NLGN4X: variants seen among roughly 807,000 people sequenced by gnomAD.
NLGN4X encodes neuroligin-4, X-linked.
A neutral mutation model predicts 40.3 loss-of-function variants in NLGN4X; 3 were observed. The ratio of observed to expected loss-of-function variants is 0.07; its 90% CI spans 0.03 to 0.19. The LOEUF (loss-of-function observed/expected upper bound fraction) is 0.19, where lower values mean the gene tolerates loss of function less well. Ranked by LOEUF, NLGN4X falls within the 10% of genes least tolerant of loss-of-function variation. NLGN4X has a pLI of 1.00. For synonymous variants in NLGN4X, 270 were observed against 306.8 expected, an observed-to-expected ratio of 0.88 and a Z score of 1.25; for missense variants, 382 against 708.3, an observed-to-expected ratio of 0.54 and a Z score of 5.23.
At chrX:6,035,564 T>A (rs373515800) in intron 2 of NLGN4X, among the ~76,000 whole-genome samples, 1 of 112,108 alleles carries the variant, frequency 8.9e-6, no homozygotes. Context: ...GAAAAGACTA[T>A]CCTTGCCTCC....
At chrX:5,929,229 G>A (rs935890113) in intron 3 of NLGN4X, among the ~76,000 whole-genome samples, 5 of 111,514 alleles carry the variant, frequency 4.5e-5, no homozygotes, top group Non-Finnish European at 7.5e-5. Flanking sequence ...TTGGGAGGCC[G>A]AGGTGGGAAG....
At chrX:6,176,403 C>T (rs887148811) in intron 1 of NLGN4X, among the ~76,000 whole-genome samples, 4 of 112,086 alleles carry the variant, frequency 3.6e-5, no homozygotes, top group Admixed American at 1.9e-4. Flanking sequence ...TGCAGAATAA[C>T]GGACCCCCCG....
intron 3 of NLGN4X, among the ~76,000 whole-genome samples, chrX:5,914,412 A>T (rs6529897): frequency 3.6e-5 from 4 of 110,388 alleles, no homozygotes; most frequent in Non-Finnish European, 5.7e-5. Flanking sequence ...TTTTCTTTCA[A>T]TTAACAAAAG....
At chrX:6,024,344 T>C (rs1284196201) in intron 3 of NLGN4X, among the ~76,000 whole-genome samples, 1 of 111,413 alleles carries the variant, frequency 9.0e-6, no homozygotes, top group Non-Finnish European at 1.9e-5. Flanking sequence ...CCACACACCC[T>C]GGCAATGACT....
At chrX:6,138,323 G>A (rs762286147) in intron 2 of NLGN4X, among the ~76,000 whole-genome samples, 3 of 111,322 alleles carry the variant, frequency 2.7e-5, no homozygotes, top group Non-Finnish European at 5.6e-5. Context: ...GAGGATGCTT[G>A]CAAAAGACTA....
intron 1 of NLGN4X, among the ~76,000 whole-genome samples, chrX:6,176,042 C>T (rs761556664): frequency 3.8e-4 from 42 of 111,396 alleles, no homozygotes; most frequent in African/African-American, 1.3e-3. Context: ...ACACAGCGAG[C>T]GGGGTCAACA....
chrX:6,218,794 T>C (rs1925332459), intron 1 of NLGN4X, among the ~76,000 whole-genome samples: 1 of 111,777 alleles, frequency 8.9e-6, no homozygotes, highest in African/African-American at 3.3e-5. Context: ...AACACTCTTG[T>C]GGTTAATTTG....
intron 2 of NLGN4X, among the ~76,000 whole-genome samples, chrX:6,112,342 T>C (rs992255670): frequency 3.6e-5 from 4 of 111,070 alleles, no homozygotes; most frequent in African/African-American, 1.3e-4. Flanking sequence ...CCCTCAGGAA[T>C]TTGAAAAAAA....
At chrX:5,938,121 T>C (rs1469280469) in intron 3 of NLGN4X, among the ~76,000 whole-genome samples, 1 of 111,597 alleles carries the variant, frequency 9.0e-6, no homozygotes, top group Non-Finnish European at 1.9e-5. Context: ...TGTGTATACA[T>C]TTTAGTCCAG....
chrX:6,021,750 T>TTG (rs1555950732), intron 3 of NLGN4X, among the ~76,000 whole-genome samples: 1 of 110,560 alleles, frequency 9.0e-6, no homozygotes, highest in African/African-American at 3.3e-5. Flanking sequence ...TTTGTTTTTT[T>TTG]TTTTGTTTTG....
In NLGN4X at chrX:6,117,129, C is replaced by T. The variant is rs181750649; in HGVS notation, c.472+33866G>A. On this transcript the variant is annotated intron_variant, in intron 2 of 5. Transcript: ENST00000381095. ...CCATTCATCTTAAGGAGCTCACTTTCATTCCCTGTATCCCAACCCTACTCT... is the reference window on the plus strand; with the variant it reads ...CCATTCATCTTAAGGAGCTCACTTTTATTCCCTGTATCCCAACCCTACTCT... Among the ~76,000 whole-genome samples the T allele has an allele frequency of 3.9e-3, 432 of 111,358 alleles. 4 individuals carry two copies. Among genetic ancestry groups the T allele is most frequent in the African/African-American group, 0.013 (401 of 30,524 alleles).
intron 3 of NLGN4X, among the ~76,000 whole-genome samples, chrX:5,997,527 A>C (rs1347427273): frequency 1.9e-5 from 2 of 106,622 alleles, no homozygotes; most frequent in Non-Finnish European, 3.8e-5. Flanking sequence ...TTATAATACA[A>C]AAATTTATAA....
chrX:5,937,052 C>A (rs140738424), intron 3 of NLGN4X, among the ~76,000 whole-genome samples: 1,868 of 109,673 alleles, frequency 0.017, 48 homozygotes, highest in African/African-American at 0.057. Context: ...CTAATAAACA[C>A]CTCTCTCTCT....
chrX:6,165,339 G>C (rs1437662373), intron 1 of NLGN4X, among the ~76,000 whole-genome samples: 1 of 111,621 alleles, frequency 9.0e-6, no homozygotes, highest in Admixed American at 9.6e-5. Flanking sequence ...TTTTAAACAG[G>C]GTTCAGGAAG....
chrX:6,127,580 GC>G (rs1188476511), intron 2 of NLGN4X, among the ~76,000 whole-genome samples: 1 of 112,421 alleles, frequency 8.9e-6, no homozygotes, highest in Non-Finnish European at 1.9e-5. Context: ...TTGCACTCCA[GC>G]CTGGGCTACA....
intron 1 of NLGN4X, chrX:6,187,502 C>G (rs1922162949): frequency 9.0e-6 from 1 of 111,386 alleles, no homozygotes; most frequent in Non-Finnish European, 1.9e-5. Flanking sequence ...TACGCATCAC[C>G]GACGTAATGT....
chrX:6,108,348 A>AT (rs2039075389), intron 2 of NLGN4X, among the ~76,000 whole-genome samples: 1 of 111,745 alleles, frequency 8.9e-6, no homozygotes, highest in South Asian at 3.7e-4. Flanking sequence ...ATTAAATATT[A>AT]TTTTTTGTAG....
At chrX:6,134,244 T>G (rs181001677) in intron 2 of NLGN4X, among the ~76,000 whole-genome samples, 45 of 112,038 alleles carry the variant, frequency 4.0e-4, no homozygotes, top group Admixed American at 1.5e-3. Flanking sequence ...GTGCAGGACT[T>G]CAAATTCACT....
chrX:5,953,916 G>T (rs1356343707), intron 3 of NLGN4X, among the ~76,000 whole-genome samples: 2 of 111,586 alleles, frequency 1.8e-5, no homozygotes, highest in East Asian at 2.9e-4. Flanking sequence ...CTTATGGATT[G>T]TGAATTTGAA....
Sources: gnomAD v4.1 joint callset for allele counts (sites outside exome capture counted in the v4.1 genomes callset) on GRCh38, gnomAD v4.1.1 for gene constraint, MANE v1.5 for transcripts, NCBI Gene and HGNC (gene_info 2026-07-23, HGNC 2026-07-21) for gene names.